UBXN7: variants seen among roughly 807,000 people sequenced by gnomAD.
The protein encoded by UBXN7 is UBX domain-containing protein 7.
UBXN7 carries 9 observed loss-of-function variants against 58.0 expected under a neutral mutation model. The observed-to-expected ratio is 0.16, with a 90% CI of 0.09 to 0.27. The LOEUF (loss-of-function observed/expected upper bound fraction) is 0.27. Ranked by LOEUF, UBXN7 falls within the 10% of genes least tolerant of loss-of-function variation. The probability of loss-of-function intolerance (pLI) is 1.00; values close to 1 mark genes in which losing one functional copy is unlikely to be tolerated. For missense variants in UBXN7, 328 were observed against 599.6 expected, an observed-to-expected ratio of 0.55 and a Z score of 4.73; for synonymous variants, 208 against 205.0, an observed-to-expected ratio of 1.01 and a Z score of -0.12.
chr3:196,421,141 G>GA (rs36023486), intron 1 of UBXN7, among the ~76,000 whole-genome samples: 6 of 152,160 alleles, frequency 3.9e-5, no homozygotes, highest in African/African-American at 1.4e-4. Flanking sequence ...ATGCATACCA[G>GA]AAAAAACTGA....
intron 5 of UBXN7, among the ~76,000 whole-genome samples, chr3:196,377,438 T>C (rs1020979518): frequency 4.6e-5 from 7 of 152,170 alleles, no homozygotes; most frequent in Admixed American, 6.6e-5. Flanking sequence ...TTCCCTAATC[T>C]TCCTAATACA....
chr3:196,401,434 T>G (rs192636749), intron 3 of UBXN7, among the ~76,000 whole-genome samples: 2 of 150,416 alleles, frequency 1.3e-5, no homozygotes, highest in East Asian at 3.9e-4. Flanking sequence ...ACATATAATT[T>G]TATTCATCCT....
At chr3:196,370,114 G>GC (rs1728777947) in intron 6 of UBXN7, among the ~76,000 whole-genome samples, 1 of 132,628 alleles carries the variant, frequency 7.5e-6, no homozygotes, top group South Asian at 2.4e-4. Flanking sequence ...CAGCGACAAT[G>GC]CAAGACTTGT....
chr3:196,359,905 CAAA>C (rs772190398), intron 10 of UBXN7, among the ~76,000 whole-genome samples: 1 of 114,096 alleles, frequency 8.8e-6, no homozygotes. Context: ...GACTCTGTCT[CAAA>C]AAAAAAAAAA....
chr3:196,395,631 G>T (rs1019816707), intron 3 of UBXN7, among the ~76,000 whole-genome samples: 2 of 151,608 alleles, frequency 1.3e-5, no homozygotes, highest in African/African-American at 4.9e-5. Flanking sequence ...TTGTTTGTTT[G>T]TTTTTTTAAG....
chr3:196,389,179 T>G (rs1729503619), intron 5 of UBXN7, among the ~76,000 whole-genome samples: 1 of 152,128 alleles, frequency 6.6e-6, no homozygotes, highest in Non-Finnish European at 1.5e-5. Flanking sequence ...TTTTCTGCCT[T>G]TAATATTGCT....
At chr3:196,381,486 A>C (rs1440184905) in intron 5 of UBXN7, among the ~76,000 whole-genome samples, 1 of 152,260 alleles carries the variant, frequency 6.6e-6, no homozygotes. Flanking sequence ...TCTGTAGGTC[A>C]CCAACATCAA....
At chr3:196,422,807 G>A (rs575757612) in intron 1 of UBXN7, among the ~76,000 whole-genome samples, 6 of 152,094 alleles carry the variant, frequency 3.9e-5, no homozygotes, top group East Asian at 1.9e-4. Context: ...ACTTGTACAC[G>A]ACTGTTTTTG....
chr3:196,398,020 A>G (rs1225592762), intron 3 of UBXN7, among the ~76,000 whole-genome samples: 4 of 152,192 alleles, frequency 2.6e-5, no homozygotes, highest in Non-Finnish European at 5.9e-5. Flanking sequence ...CCTTGAGTAC[A>G]GGCAGGATTG....
Position 196,432,407 on chromosome 3 carries a change from C to T in UBXN7, c.-8G>A. On this transcript the variant is annotated 5_prime_UTR_variant, in exon 1 of 11. Coordinates refer to ENST00000296328, the MANE Select transcript of UBXN7 (RefSeq NM_015562.2). Reference sequence around the variant, plus strand: ...GCCCCCGTGGGCAGCCATCTTACCGCCGCCGCCGCCGCCGAACAACAACAC... The same window carrying T: ...GCCCCCGTGGGCAGCCATCTTACCGTCGCCGCCGCCGCCGAACAACAACAC... 6.3e-7 allele frequency: 1 copy of T among 1,582,282 alleles called. No homozygotes were observed. The highest frequency in any genetic ancestry group is 1.1e-5 in the South Asian group (1 of 88,354).
intron 5 of UBXN7, among the ~76,000 whole-genome samples, chr3:196,380,256 T>C (rs13075614): frequency 0.53 from 75,674 of 143,126 alleles, 19,867 homozygotes; most frequent in East Asian, 0.88. Flanking sequence ...AGATTTCATC[T>C]CAAAAAAAAA....
intron 1 of UBXN7, among the ~76,000 whole-genome samples, chr3:196,425,426 T>C (rs746469697): frequency 7.9e-5 from 12 of 152,014 alleles, no homozygotes; most frequent in Non-Finnish European, 1.6e-4. Context: ...CCTTTTTTAA[T>C]AAATAAAATT....
At chr3:196,419,877 A>G (rs1314495055) in intron 1 of UBXN7, among the ~76,000 whole-genome samples, 1 of 152,236 alleles carries the variant, frequency 6.6e-6, no homozygotes, top group Non-Finnish European at 1.5e-5. Context: ...AAGGCAACTA[A>G]AAGTATTAAA....
At chr3:196,376,563 A>G (rs971581260) in intron 5 of UBXN7, among the ~76,000 whole-genome samples, 5 of 149,690 alleles carry the variant, frequency 3.3e-5, no homozygotes, top group Non-Finnish European at 5.9e-5. Flanking sequence ...AAAAAAAAAA[A>G]AAAAAGAAAA....
chr3:196,385,370 C>T (rs1458035043), intron 5 of UBXN7, among the ~76,000 whole-genome samples: 5 of 152,202 alleles, frequency 3.3e-5, no homozygotes, highest in East Asian at 1.9e-4. Flanking sequence ...ACCTCCCAGC[C>T]GCCTGCCTTG....
chr3:196,431,545 A>T, intron 1 of UBXN7: 1 of 159,348 alleles, frequency 6.3e-6, no homozygotes, highest in Non-Finnish European at 1.4e-5. Context: ...CTCTCAAAGA[A>T]GTTTCTGCCG....
chr3:196,417,006 A>G (rs1730505898), intron 1 of UBXN7, among the ~76,000 whole-genome samples: 1 of 152,188 alleles, frequency 6.6e-6, no homozygotes, highest in Non-Finnish European at 1.5e-5. Flanking sequence ...AGCCACAGAC[A>G]CAGCAAGAAG....
intron 5 of UBXN7, among the ~76,000 whole-genome samples, chr3:196,386,380 T>TAAAAAAAAAAAAA (rs34268326): frequency 1.6e-4 from 9 of 57,748 alleles, no homozygotes; most frequent in South Asian, 7.2e-4. Flanking sequence ...TAATAAACAC[T>TAAAAAAAAAAAAA]AAAAAAAAAA....
At chr3:196,432,118 A>T (rs1286407716) in intron 1 of UBXN7, 1 of 701,454 alleles carries the variant, frequency 1.4e-6, no homozygotes, top group South Asian at 1.6e-5. Flanking sequence ...ACTAGGAGAC[A>T]GAGAACGAGG....
Sources: gnomAD v4.1 joint callset for allele counts (sites outside exome capture counted in the v4.1 genomes callset) on GRCh38, gnomAD v4.1.1 for gene constraint, MANE v1.5 for transcripts, NCBI Gene and HGNC (gene_info 2026-07-23, HGNC 2026-07-21) for gene names.